The following CCDC6 variants were observed in gnomAD, a reference collection of about 807,000 sequenced individuals.
CCDC6 encodes the protein coiled-coil domain containing 6.
In CCDC6, 20 loss-of-function variants were observed where a neutral mutation model predicts 56.6. The observed-to-expected ratio is 0.35, with a 90% CI of 0.25 to 0.51. CCDC6 has a LOEUF of 0.51. Ranked by LOEUF, CCDC6 falls within the 20% of genes least tolerant of loss-of-function variation. The pLI is 0.95. For synonymous variants in CCDC6, 241 were observed against 234.4 expected, an observed-to-expected ratio of 1.03 and a Z score of -0.26; for missense variants, 367 against 601.1, an observed-to-expected ratio of 0.61 and a Z score of 4.07.
intron 2 of CCDC6, among the ~76,000 whole-genome samples, chr10:59,847,817 CTTTTTTTTT>C (rs757902015): frequency 3.8e-4 from 40 of 104,846 alleles, no homozygotes; most frequent in African/African-American, 1.4e-3. Flanking sequence ...GCCTTTTAGA[CTTTTTTTTT>C]TTTTTTTTTT....
At chr10:59,814,286 A>C (rs1286481341) in intron 4 of CCDC6, among the ~76,000 whole-genome samples, 1 of 152,194 alleles carries the variant, frequency 6.6e-6, no homozygotes, top group Non-Finnish European at 1.5e-5. Flanking sequence ...AATAGTACGC[A>C]GTATACCCTA....
chr10:59,833,498 T>C (rs921863979), intron 2 of CCDC6, among the ~76,000 whole-genome samples: 1 of 151,906 alleles, frequency 6.6e-6, no homozygotes, highest in Non-Finnish European at 1.5e-5. Context: ...TAAGGTGTCA[T>C]TACCAGAGAA....
chr10:59,903,115 GGA>G (rs1426593061), intron 1 of CCDC6, among the ~76,000 whole-genome samples: 6 of 152,168 alleles, frequency 3.9e-5, no homozygotes, highest in African/African-American at 1.4e-4. Context: ...GCAAAACTAA[GGA>G]GAGAGTAAAA....
At chr10:59,882,004 G>GGC (rs1271950112) in intron 1 of CCDC6, among the ~76,000 whole-genome samples, 1 of 67,066 alleles carries the variant, frequency 1.5e-5, no homozygotes, top group Admixed American at 1.6e-4. Context: ...AAGGAAAGCT[G>GGC]GGGAGAAGGA....
At chr10:59,804,270 TGAGA>T (rs201940302) in intron 7 of CCDC6, 146 bp downstream of exon 7, 30,435 of 570,708 alleles carry the variant, frequency 0.053, 1,246 homozygotes, top group African/African-American at 0.15. Flanking sequence ...CTCTTAGCCT[TGAGA>T]GTGATGAGTT....
chr10:59,868,668 G>A (rs1368936238), intron 1 of CCDC6, among the ~76,000 whole-genome samples: 1 of 152,134 alleles, frequency 6.6e-6, no homozygotes, highest in Non-Finnish European at 1.5e-5. Context: ...ATGGCTCACT[G>A]TGCCTAAGCG....
intron 1 of CCDC6, among the ~76,000 whole-genome samples, chr10:59,897,058 G>A (rs1261257358): frequency 1.3e-5 from 2 of 152,062 alleles, no homozygotes; most frequent in South Asian, 2.1e-4. Context: ...GTACTCTTTG[G>A]TTAATAAAAA....
intron 3 of CCDC6, among the ~76,000 whole-genome samples, chr10:59,818,434 G>A (rs1003896795): frequency 1.2e-4 from 17 of 144,610 alleles, no homozygotes; most frequent in African/African-American, 3.9e-4. Flanking sequence ...CAGCTCAGCC[G>A]TGTGGATTCT....
chr10:59,869,832 G>A (rs1429782192), intron 1 of CCDC6, among the ~76,000 whole-genome samples: 1 of 152,030 alleles, frequency 6.6e-6, no homozygotes, highest in Non-Finnish European at 1.5e-5. Flanking sequence ...GCCTCTGCCT[G>A]CCTCTTGCCC....
intron 2 of CCDC6, among the ~76,000 whole-genome samples, chr10:59,844,094 T>C (rs977227764): frequency 3.3e-5 from 5 of 152,224 alleles, no homozygotes; most frequent in South Asian, 4.1e-4. Flanking sequence ...AAGAAGGATT[T>C]TGTTAAGCTT....
chr10:59,840,324 A>G (rs999803767), intron 2 of CCDC6, among the ~76,000 whole-genome samples: 1 of 152,206 alleles, frequency 6.6e-6, no homozygotes, highest in Admixed American at 6.5e-5. Context: ...GTACATAAGA[A>G]TTTATTAGTA....
At chr10:59,844,778 G>GAA (rs1564747214) in intron 2 of CCDC6, among the ~76,000 whole-genome samples, 81 of 150,108 alleles carry the variant, frequency 5.4e-4, no homozygotes, top group African/African-American at 1.8e-3. Flanking sequence ...GAGAGAGAGA[G>GAA]AAAATCCTTT....
chr10:59,876,587 G>A (rs2071283415), intron 1 of CCDC6, among the ~76,000 whole-genome samples: 1 of 125,174 alleles, frequency 8.0e-6, no homozygotes, highest in Non-Finnish European at 1.6e-5. Flanking sequence ...CCTGTTAAGG[G>A]GGAAAAAAAA....
At chr10:59,868,896 G>A (rs1036039086) in intron 1 of CCDC6, among the ~76,000 whole-genome samples, 21 of 148,680 alleles carry the variant, frequency 1.4e-4, no homozygotes, top group African/African-American at 5.5e-4. Flanking sequence ...GCTATGCTTG[G>A]TTTCCTCTGG....
At chr10:59,836,963 A>C (rs2132646538) in intron 2 of CCDC6, among the ~76,000 whole-genome samples, 1 of 152,376 alleles carries the variant, frequency 6.6e-6, no homozygotes, top group Non-Finnish European at 1.5e-5. Flanking sequence ...TCCTAAAGCA[A>C]GCATTTTCTT....
At chr10:59,863,331 C>A (rs1055575521) in intron 1 of CCDC6, among the ~76,000 whole-genome samples, 7 of 152,190 alleles carry the variant, frequency 4.6e-5, no homozygotes, top group Non-Finnish European at 8.8e-5. Context: ...TAAAATATTA[C>A]ATAATGAAAA....
chr10:59,880,306 A>G (rs1589059595), intron 1 of CCDC6, among the ~76,000 whole-genome samples: 2 of 152,170 alleles, frequency 1.3e-5, no homozygotes, highest in African/African-American at 2.4e-5. Context: ...ATAGTAACAA[A>G]TGGTTTTGCC....
At chr10:59,798,785 G>A (rs995952214) in intron 7 of CCDC6, among the ~76,000 whole-genome samples, 1 of 152,042 alleles carries the variant, frequency 6.6e-6, no homozygotes, top group African/African-American at 2.4e-5. Flanking sequence ...ACGAGGTCAG[G>A]AGTTCGAGAC....
At chr10:59,849,842 T>G (rs2071023025) in intron 2 of CCDC6, among the ~76,000 whole-genome samples, 1 of 152,220 alleles carries the variant, frequency 6.6e-6, no homozygotes, top group Non-Finnish European at 1.5e-5. Flanking sequence ...TATCAATTAC[T>G]CCAAGAATCT....
Sources: gnomAD v4.1 joint callset for allele counts (sites outside exome capture counted in the v4.1 genomes callset) on GRCh38, gnomAD v4.1.1 for gene constraint, MANE v1.5 for transcripts, NCBI Gene and HGNC (gene_info 2026-07-23, HGNC 2026-07-21) for gene names.